GOLGA6L7: variants seen among roughly 807,000 people sequenced by gnomAD.
The protein encoded by GOLGA6L7 is golgin A6 family like 7, also known as golgin subfamily A member 6-like protein 7.
GOLGA6L7 carries 29 observed loss-of-function variants against 68.9 expected under a neutral mutation model. The observed-to-expected ratio is 0.42, with a 90% confidence interval of 0.31 to 0.57. The LOEUF (loss-of-function observed/expected upper bound fraction) is 0.57, where lower values mean the gene tolerates loss of function less well. Ranked by LOEUF, GOLGA6L7 falls within the 20% of genes least tolerant of loss-of-function variation. The probability of loss-of-function intolerance (pLI) is 0.13; values close to 1 mark genes in which losing one functional copy is unlikely to be tolerated. For synonymous variants in GOLGA6L7, 133 were observed against 197.4 expected (o/e 0.67, Z 2.73); for missense variants, 396 against 588.4 (o/e 0.67, Z 3.38).
At chr15:28,847,950 AAAACC>A (rs972364960) in intron 1 of GOLGA6L7, among the ~76,000 whole-genome samples, 2 of 152,246 alleles carry the variant, frequency 1.3e-5, no homozygotes, top group African/African-American at 4.8e-5. Flanking sequence ...AGCCTGGGAG[AAAACC>A]AAACCAAACC....
At position 28,843,313 on chromosome 15, in the gene GOLGA6L7, A is replaced by G. The variant is rs2030287420; in HGVS notation, c.791T>C (p.Leu264Pro). Residue 264 changes from leucine (L) to proline (P), a missense_variant, in exon 9 of 9, where the codon CTG becomes CCG. Transcript: ENST00000567390. Reference sequence around the variant, plus strand: ...CCGCAGCTCCTTCTCCTGGTCCCGCAGCCTCTGCTCCTGTCTCCACATCTT... The same window carrying G: ...CCGCAGCTCCTTCTCCTGGTCCCGCGGCCTCTGCTCCTGTCTCCACATCTT... ...EEKMWRQEQR[L>P]RDQEKELREQ... is the part of the protein sequence containing the mutation. The G allele has an allele frequency of 8.9e-7, 1 of 1,125,194 alleles. No individual in the cohort carries two copies. The highest frequency in any genetic ancestry group is 3.7e-5 in the South Asian group (1 of 26,922). 69.7% of individuals were successfully genotyped at this position (1,125,194 alleles called of 1,614,324 possible).
At chr15:28,844,364 C>A in intron 6 of GOLGA6L7, 101 bp from the exon 7 acceptor site, 1 of 410,818 alleles carries the variant, frequency 2.4e-6, no homozygotes, top group Non-Finnish European at 4.3e-6. Flanking sequence ...ACACTTGCTC[C>A]TCTCCGTCAC....
chr15:28,844,277 A>C lies in GOLGA6L7; in HGVS notation c.463-14T>G, dbSNP rs1353211525. The C allele has an allele frequency of 2.1e-6, 1 of 486,754 alleles. No individual in the cohort carries two copies. The allele number at this position is 486,754 out of a possible 1,614,324, so 30.2% of individuals were successfully genotyped here. A position where few individuals can be genotyped will look rare whatever the true frequency, so the allele number is the denominator to read the frequency against. Reference sequence around the variant, plus strand: ...CTCCTTGATGTACTGCAAACAGAGAAAGGTCAAGTCAGGATACAGCAGGCA... The same window carrying C: ...CTCCTTGATGTACTGCAAACAGAGACAGGTCAAGTCAGGATACAGCAGGCA... On this transcript the variant is annotated splice_polypyrimidine_tract_variant and intron_variant, in intron 6 of 8. Coordinates refer to ENST00000567390, the MANE Select transcript of GOLGA6L7 (RefSeq NM_001365371.2).
chr15:28,846,344 A>C, intron 2 of GOLGA6L7, 95 bp from the exon 3 acceptor site: 1 of 718,268 alleles, frequency 1.4e-6, no homozygotes, highest in Non-Finnish European at 2.5e-6. Context: ...AATGGATTTT[A>C]AGGGCAAAGT....
intron 6 of GOLGA6L7, among the ~76,000 whole-genome samples, 167 bp from the exon 7 acceptor site, chr15:28,844,430 CTTTTTTT>C (rs3062970): frequency 1.0e-4 from 13 of 128,724 alleles, no homozygotes; most frequent in African/African-American, 2.8e-4. Flanking sequence ...TTTTTCTTTT[CTTTTTTT>C]TTTTTTTTTT....
Position 28,844,430 on chromosome 15 carries a change from C to CTTTTT in GOLGA6L7, c.463-172_463-168dup, listed in dbSNP as rs3062970. Among the ~76,000 whole-genome samples, 40 of 128,718 alleles carry CTTTTT rather than the reference C, an allele frequency of 3.1e-4. 2 individuals carry two copies. The highest frequency in any genetic ancestry group is 1.3e-3 in the South Asian group (5 of 3,980). 84.4% of individuals were successfully genotyped at this position (128,718 alleles called of 152,430 possible). On this transcript the variant is annotated intron_variant, in intron 6 of 8. Transcript: ENST00000567390. Reference sequence around the variant, plus strand: ...CCGTGGTGTCATTTGTTTTTCTTTTCTTTTTTTTTTTTTTTTTGAGATGGA... The same window carrying CTTTTT: ...CCGTGGTGTCATTTGTTTTTCTTTTCTTTTTTTTTTTTTTTTTTTTTTGAGATGGA...
chr15:28,844,439 T>TTG (rs2030336257), intron 6 of GOLGA6L7, among the ~76,000 whole-genome samples, 176 bp from the exon 7 acceptor site: 1 of 149,286 alleles, frequency 6.7e-6, no homozygotes, highest in African/African-American at 2.5e-5. Context: ...TCTTTTTTTT[T>TTG]TTTTTTTTGA....
intron 3 of GOLGA6L7, 71 bp downstream of exon 3, chr15:28,846,149 T>A (rs1448638799): frequency 7.0e-6 from 5 of 717,362 alleles, no homozygotes; most frequent in Non-Finnish European, 1.3e-5. Flanking sequence ...GAGACGAGAC[T>A]GGGGCCTCTA....
intron 6 of GOLGA6L7, 103 bp downstream of exon 6, chr15:28,845,426 G>T (rs375505364): frequency 5.7e-6 from 4 of 699,862 alleles, no homozygotes. Flanking sequence ...GGCCCATGCT[G>T]TCTTCTGGGC....
chr15:28,845,418 C>T, intron 6 of GOLGA6L7, 111 bp downstream of exon 6: 2 of 699,520 alleles, frequency 2.9e-6, no homozygotes, highest in Non-Finnish European at 5.2e-6. Context: ...CAAGAAATGG[C>T]CCATGCTGTC....
rs147333012 is a variant in GOLGA6L7 at position 28,842,880 on chromosome 15, C to T, written c.1224G>A (p.Glu408=). The part of the protein sequence containing the change: ...RKQEEQMWKQ[E]EQMGEQMRKQ... Reference sequence around the variant, plus strand: ...TCCTCATCTGCTCCCCCATCTGCTCCTCCTGCTTCCACATCTGCTCCTCCT... The same window carrying T: ...TCCTCATCTGCTCCCCCATCTGCTCTTCCTGCTTCCACATCTGCTCCTCCT... The change falls in exon 9 of 9, where the codon GAG becomes GAA. Residue 408 remains glutamate (E), a synonymous_variant. Coordinates refer to ENST00000567390, the MANE Select transcript of GOLGA6L7 (RefSeq NM_001365371.2). 2.2e-4 allele frequency: 280 copies of T among 1,257,624 alleles called. 2 individuals carry two copies. The African/African-American group carries it at 2.5e-3, about 11-fold the overall frequency. The allele number at this position is 1,257,624 out of a possible 1,614,324, so 77.9% of individuals were successfully genotyped here. A position where few individuals can be genotyped will look rare whatever the true frequency, so the allele number is the denominator to read the frequency against.
At chr15:28,845,399 C>G in intron 6 of GOLGA6L7, 130 bp downstream of exon 6, 1 of 698,526 alleles carries the variant, frequency 1.4e-6, no homozygotes, top group South Asian at 1.5e-5. Context: ...CAACCACGCA[C>G]AAAAGCAGCA....
At position 28,842,912 on chromosome 15, in the gene GOLGA6L7, G is replaced by A. The variant is rs1418033234; in HGVS notation, c.1192C>T (p.Arg398Ter). 7 of 1,162,796 alleles carry A rather than the reference G, an allele frequency of 6.0e-6. No individual in the cohort carries two copies. Among genetic ancestry groups the A allele is most frequent in the Admixed American group, 6.2e-5 (1 of 16,124 alleles). The allele number at this position is 1,162,796 out of a possible 1,614,324, so 72.0% of individuals were successfully genotyped here. ...EQIGEQEEQMRKQEEQMWKQE... is the reference protein window; with the variant it reads ...EQIGEQEEQM ...TTCCACATCTGCTCCTCCTGCTTTC[G>A]CATCTGCTCCTCCTGCTCCCCTATC... Residue 398 changes from arginine (R) to a stop codon, truncating the protein, a stop_gained, in exon 9 of 9, where the codon CGA becomes TGA. Transcript: ENST00000567390. LOFTEE classifies it high-confidence loss of function.
chr15:28,844,446 T>TTTG (rs1555515068), intron 6 of GOLGA6L7, among the ~76,000 whole-genome samples, 183 bp from the exon 7 acceptor site: 2 of 150,126 alleles, frequency 1.3e-5, no homozygotes, highest in Admixed American at 6.6e-5. Flanking sequence ...TTTTTTTTTT[T>TTTG]TGAGATGGAG....
At chr15:28,844,374 C>T (rs2030331225) in intron 6 of GOLGA6L7, 111 bp from the exon 7 acceptor site, 1 of 401,464 alleles carries the variant, frequency 2.5e-6, no homozygotes, top group East Asian at 3.6e-5. Context: ...CTCTCCGTCA[C>T]ACCCGACATG....
At chr15:28,847,480 C>T (rs2030481431) in intron 1 of GOLGA6L7, among the ~76,000 whole-genome samples, 1 of 151,988 alleles carries the variant, frequency 6.6e-6, no homozygotes, top group South Asian at 2.1e-4. Flanking sequence ...AAAAAGTAGG[C>T]AGGAAGGTGT....
chr15:28,847,233 G>A (rs1247404692), intron 1 of GOLGA6L7, 41 bp from the exon 2 acceptor site: 12 of 1,197,984 alleles, frequency 1.0e-5, no homozygotes, highest in Non-Finnish European at 1.3e-5. Context: ...AGAACTACAA[G>A]CTCCTACAGT....
chr15:28,846,256 G>C lies in GOLGA6L7; in HGVS notation c.181-7C>G. 3.9e-6 allele frequency: 3 copies of C among 770,628 alleles called. No individual in the cohort carries two copies. In the South Asian group the frequency reaches 4.1e-5, roughly 11 times the overall value. 47.7% of individuals were successfully genotyped at this position (770,628 alleles called of 1,614,324 possible). On this transcript the variant is annotated splice_region_variant and splice_polypyrimidine_tract_variant and intron_variant, in intron 2 of 8. Transcript: ENST00000567390. ...GAGCTCGGTTCTGTTGTTTCTGTGGGGAGAGTCAAAGGAAGGTGACTGAGG... is the reference window on the plus strand; with the variant it reads ...GAGCTCGGTTCTGTTGTTTCTGTGGCGAGAGTCAAAGGAAGGTGACTGAGG...
intron 1 of GOLGA6L7, among the ~76,000 whole-genome samples, chr15:28,847,602 C>T (rs2030487725): frequency 6.6e-6 from 1 of 152,380 alleles, no homozygotes; most frequent in African/African-American, 2.4e-5. Context: ...ACCCAAGCTG[C>T]ATTTCAGAGA....
Sources: allele counts gnomAD v4.1 joint callset (sites outside exome capture counted in the v4.1 genomes callset), GRCh38; gene constraint gnomAD v4.1.1; transcripts MANE v1.5; gene names NCBI Gene and HGNC (gene_info 2026-07-23, HGNC 2026-07-21).